The following ZPBP variants were observed in gnomAD, a reference collection of about 807,000 sequenced individuals.
ZPBP encodes zona pellucida-binding protein 1.
ZPBP carries 26 observed loss-of-function variants against 44.8 expected under a neutral mutation model. The ratio of observed to expected loss-of-function variants is 0.58; its 90% CI spans 0.43 to 0.81. The LOEUF (loss-of-function observed/expected upper bound fraction) is 0.81, where lower values mean the gene tolerates loss of function less well. Ranked by LOEUF, ZPBP falls within the 30% of genes least tolerant of loss-of-function variation. ZPBP has a pLI of 0.00. For missense variants in ZPBP, 409 were observed against 434.0 expected (o/e 0.94, Z 0.51); for synonymous variants, 174 against 153.2 (o/e 1.14, Z -1.00).
At chr7:49,938,884 T>C in intron 7 of ZPBP, among the ~76,000 whole-genome samples, 1 of 152,224 alleles carries the variant, frequency 6.6e-6, no homozygotes, top group Non-Finnish European at 1.5e-5. Flanking sequence ...TTTTATATCA[T>C]TTACTTTTAA....
chr7:50,014,401 G>A (rs1798721108), intron 6 of ZPBP, among the ~76,000 whole-genome samples: 1 of 150,252 alleles, frequency 6.7e-6, no homozygotes, highest in Admixed American at 6.6e-5. Context: ...AGAGAAGAGT[G>A]GAACGAAAAT....
chr7:49,999,437 T>A (rs1359503845), intron 6 of ZPBP, among the ~76,000 whole-genome samples: 2 of 152,126 alleles, frequency 1.3e-5, no homozygotes, highest in Non-Finnish European at 2.9e-5. Flanking sequence ...TTATTTGATA[T>A]GTATAATACA....
chr7:49,918,962 A>C (rs576389530), intron 1 of ZPBP: 1 of 152,154 alleles, frequency 6.6e-6, no homozygotes, highest in African/African-American at 2.4e-5. Context: ...AGGCTGAGGC[A>C]GGAGAATCCC....
intron 3 of ZPBP, among the ~76,000 whole-genome samples, chr7:50,071,606 AC>A (rs1276293108): frequency 6.6e-6 from 1 of 151,974 alleles, no homozygotes; most frequent in Non-Finnish European, 1.5e-5. Context: ...TCCAAAAGGC[AC>A]CCCTTCTTTC....
intron 3 of ZPBP, among the ~76,000 whole-genome samples, chr7:50,071,309 T>C (rs985470995): frequency 1.3e-5 from 2 of 152,070 alleles, no homozygotes; most frequent in African/African-American, 2.4e-5. Context: ...GGAGTGAGCA[T>C]TTAAACCAGC....
At chr7:50,051,004 A>G (rs1335926760) in intron 4 of ZPBP, among the ~76,000 whole-genome samples, 2 of 152,096 alleles carry the variant, frequency 1.3e-5, no homozygotes, top group Non-Finnish European at 2.9e-5. Flanking sequence ...CAGGCAATAT[A>G]CAAAGTGAGA....
At position 50,066,176 on chromosome 7, in the gene ZPBP, G is replaced by A. The variant is rs534721513; in HGVS notation, c.335-8035C>T. Among the ~76,000 whole-genome samples, 5 of 150,748 alleles carry A rather than the reference G, an allele frequency of 3.3e-5. 1 individual carries two copies. Among genetic ancestry groups the A allele is most frequent in the South Asian group, 4.2e-4 (2 of 4,810 alleles). ...GATTGTTTTAGGATTATGAACATAT[G>A]CAGCATGGCAGGCATCAAAGTACAA... On this transcript the variant is annotated intron_variant, in intron 3 of 7. Transcript: ENST00000046087.
At chr7:49,985,082 C>T (rs1467157721) in intron 6 of ZPBP, among the ~76,000 whole-genome samples, 1 of 152,160 alleles carries the variant, frequency 6.6e-6, no homozygotes, top group African/African-American at 2.4e-5. Context: ...TGTGTGAGTG[C>T]ACCCTGTGAT....
chr7:49,897,906 G>A (rs759114241), intron 2 of ZPBP, among the ~76,000 whole-genome samples: 6 of 152,144 alleles, frequency 3.9e-5, no homozygotes, highest in African/African-American at 1.4e-4. Flanking sequence ...AGAAAAATTC[G>A]CTCACACTTC....
intron 7 of ZPBP, among the ~76,000 whole-genome samples, chr7:49,955,688 C>T (rs1199948378): frequency 6.6e-6 from 1 of 152,068 alleles, no homozygotes; most frequent in Non-Finnish European, 1.5e-5. Context: ...AAACAAAATG[C>T]TGGCTCTTTG....
chr7:50,081,181 C>A (rs145268946), intron 3 of ZPBP, among the ~76,000 whole-genome samples: 3 of 151,334 alleles, frequency 2.0e-5, no homozygotes, highest in Non-Finnish European at 4.4e-5. Flanking sequence ...TCCACAGGCA[C>A]GATCTCAAAA....
intron 1 of ZPBP, among the ~76,000 whole-genome samples, chr7:49,929,628 G>A (rs1181847394): frequency 6.6e-6 from 1 of 152,172 alleles, no homozygotes; most frequent in Non-Finnish European, 1.5e-5. Context: ...TTTCTGCAAG[G>A]GAGTTTTAAA....
chr7:50,057,837 T>C, intron 4 of ZPBP, 152 bp downstream of exon 4: 6 of 704,520 alleles, frequency 8.5e-6, no homozygotes, highest in Non-Finnish European at 1.4e-5. Context: ...CCACTAACCC[T>C]TTACAAAGTA....
chr7:49,997,323 C>T (rs555289587), intron 6 of ZPBP, among the ~76,000 whole-genome samples: 3 of 152,334 alleles, frequency 2.0e-5, no homozygotes, highest in African/African-American at 7.2e-5. Context: ...ACAATATTAA[C>T]TGCAGAATGT....
intron 4 of ZPBP, among the ~76,000 whole-genome samples, chr7:50,052,462 G>T (rs984028691): frequency 2.0e-5 from 3 of 152,186 alleles, no homozygotes; most frequent in Non-Finnish European, 4.4e-5. Flanking sequence ...AATTGCTGGT[G>T]GAGACATGGA....
chr7:50,093,128 G>A lies in ZPBP; in HGVS notation c.67C>T (p.Leu23Phe). The change falls in exon 1 of 8, where the codon CTC (leucine) becomes TTC (phenylalanine). Residue 23 changes from leucine to phenylalanine, a missense_variant. Transcript: ENST00000046087. Reference protein sequence around the residue: ...RRRTRAAGSLLSRAAILLFIS... With the variant: ...RRRTRAAGSLFSRAAILLFIS... Reference sequence around the variant, plus strand: ...AAGAGGAGGATGGCGGCCCGAGAGAGCAGGGAGCCGGCGGCCCGGGTCCGC... The same window carrying A: ...AAGAGGAGGATGGCGGCCCGAGAGAACAGGGAGCCGGCGGCCCGGGTCCGC... 1.3e-6 allele frequency: 2 copies of A among 1,566,628 alleles called. No individual in the cohort carries two copies. The highest frequency in any genetic ancestry group is 1.2e-5 in the South Asian group (1 of 85,552).
chr7:49,912,202 A>G (rs1280700432), intron 1 of ZPBP: 2 of 1,612,888 alleles, frequency 1.2e-6, no homozygotes, highest in African/African-American at 1.3e-5. Context: ...CCCAGAACAC[A>G]AACTCTGACT....
At chr7:49,985,077 G>A (rs1797199473) in intron 6 of ZPBP, among the ~76,000 whole-genome samples, 1 of 152,148 alleles carries the variant, frequency 6.6e-6, no homozygotes, top group South Asian at 2.1e-4. Flanking sequence ...GGATGTGTGT[G>A]AGTGCACCCT....
At position 49,877,484 on chromosome 7, in the gene ZPBP, ATATATAT is replaced by A. The variant is rs1791480349; in HGVS notation, n.509+23627_509+23633del. ...TCTCAAAAAAAAAAAAAAAAAAAAT[ATATATAT>A]ATATATATATATATATATATATATA... On this transcript the variant is annotated intron_variant and non_coding_transcript_variant, in intron 2 of 2. Transcript: ENST00000465922. Among the ~76,000 whole-genome samples, 30 of 26,572 alleles carry A rather than the reference ATATATAT, an allele frequency of 1.1e-3. 2 individuals carry two copies. The highest frequency in any genetic ancestry group is 2.2e-3 in the Admixed American group (4 of 1,850). The allele number at this position is 26,572 out of a possible 152,430, so 17.4% of individuals were successfully genotyped here.
Sources: allele counts gnomAD v4.1 joint callset (sites outside exome capture counted in the v4.1 genomes callset), GRCh38; gene constraint gnomAD v4.1.1; transcripts MANE v1.5; gene names NCBI Gene and HGNC (gene_info 2026-07-23, HGNC 2026-07-21).